SHISA9: variants seen among roughly 807,000 people sequenced by gnomAD.
The protein encoded by SHISA9 is protein shisa-9.
In SHISA9, 13 loss-of-function variants were observed where a neutral mutation model predicts 38.0. That is an observed-to-expected ratio of 0.34 (90% CI 0.22 to 0.54). The LOEUF (loss-of-function observed/expected upper bound fraction) is 0.54, where lower values mean the gene tolerates loss of function less well. SHISA9 is among the 20% of genes least tolerant of loss of function. SHISA9 has a pLI of 0.91. For synonymous variants in SHISA9, 275 were observed against 242.0 expected (o/e 1.14, Z -1.27); for missense variants, 538 against 575.8 (o/e 0.93, Z 0.67).
rs376984464 is a variant in SHISA9 at position 12,969,160 on chromosome 16, AG to A, written c.691+52346del. Among the ~76,000 whole-genome samples the A allele has an allele frequency of 2.4e-3, 363 of 150,794 alleles. 2 individuals are homozygous for A. The highest frequency in any genetic ancestry group is 4.0e-3 in the Non-Finnish European group (270 of 67,620). On this transcript the variant is annotated intron_variant, in intron 2 of 4. Transcript: ENST00000558583. ...TGACAGAGCAAGACTCCATCTCAAA[AG>A]AAAAAAAAAAAAAGAAAAAAAAACG...
intron 2 of SHISA9, among the ~76,000 whole-genome samples, chr16:13,050,336 A>C (rs1347357232): frequency 2.6e-5 from 4 of 151,772 alleles, no homozygotes; most frequent in African/African-American, 9.7e-5. Flanking sequence ...ATACATTTTA[A>C]ATTTGAGATG....
the SHISA9 span, among the ~76,000 whole-genome samples, chr16:13,469,365 A>AAAAGAAAAAGAAAG: frequency 7.7e-5 from 5 of 64,534 alleles, no homozygotes; most frequent in East Asian, 1.5e-3. Context: ...AAAGAAAAGA[A>AAAAGAAAAAGAAAG]AAAGAAAGAA....
rs1442104305 is a variant in SHISA9, at chr16:13,020,000, CTT to C, written c.691+103186_691+103187del. Among the ~76,000 whole-genome samples the C allele has an allele frequency of 1.5e-4, 20 of 129,980 alleles. 1 individual carries two copies. Among genetic ancestry groups the C allele is most frequent in the African/African-American group, 5.8e-4 (20 of 34,488 alleles). The allele number at this position is 129,980 out of a possible 152,430, so 85.3% of individuals were successfully genotyped here. ...CCTTCCTTCCTTCCTTCCTTCCTTC[CTT>C]CCTTCCTTCCCTCCTTCCTTCCTTC... On this transcript the variant is annotated intron_variant, in intron 2 of 4. Coordinates refer to ENST00000558583, the MANE Select transcript of SHISA9 (RefSeq NM_001145204.3).
the SHISA9 span, among the ~76,000 whole-genome samples, chr16:13,469,905 T>C: frequency 6.6e-6 from 1 of 152,192 alleles, no homozygotes; most frequent in South Asian, 2.1e-4. Context: ...CATTCTCCAA[T>C]AGAAGCTGTA....
chr16:13,117,717 A>G (rs2074044644), intron 2 of SHISA9, among the ~76,000 whole-genome samples: 2 of 152,190 alleles, frequency 1.3e-5, no homozygotes, highest in Admixed American at 6.5e-5. Context: ...CAACAGCCCA[A>G]TTTCATACTT....
At chr16:13,027,013 A>C (rs1257846107) in intron 2 of SHISA9, among the ~76,000 whole-genome samples, 3 of 152,158 alleles carry the variant, frequency 2.0e-5, no homozygotes, top group Admixed American at 6.5e-5. Context: ...CATGGCCTGA[A>C]AGAGACCTGG....
chr16:13,213,120 C>G, intron 3 of SHISA9, 133 bp from the exon 4 acceptor site: 1 of 702,322 alleles, frequency 1.4e-6, no homozygotes, highest in Non-Finnish European at 2.5e-6. Context: ...TCCCTGTTCC[C>G]TGGGTCCCCT....
intron 2 of SHISA9, among the ~76,000 whole-genome samples, chr16:12,990,697 A>G (rs554552278): frequency 6.1e-4 from 93 of 152,294 alleles, no homozygotes; most frequent in Non-Finnish European, 1.3e-3. Flanking sequence ...TCTAGTGAGT[A>G]GAGAGCAGGG....
At chr16:13,259,986 G>GGAT in the SHISA9 span, among the ~76,000 whole-genome samples, 2 of 129,950 alleles carry the variant, frequency 1.5e-5, no homozygotes, top group African/African-American at 5.7e-5. Context: ...CCCAGAAAAT[G>GGAT]GATTTTTCTT....
At chr16:13,053,039 T>C (rs966282629) in intron 2 of SHISA9, among the ~76,000 whole-genome samples, 32 of 148,690 alleles carry the variant, frequency 2.2e-4, no homozygotes, top group African/African-American at 7.5e-4. Context: ...TTTTGGCTCA[T>C]TGCAACCTCC....
chr16:12,979,615 CT>C (rs1039429472), intron 2 of SHISA9, among the ~76,000 whole-genome samples: 4 of 151,936 alleles, frequency 2.6e-5, no homozygotes, highest in Non-Finnish European at 5.9e-5. Context: ...TTTTATGTTG[CT>C]TGCTTTTTAA....
chr16:13,266,692 G>A, the SHISA9 span, among the ~76,000 whole-genome samples: 1 of 152,180 alleles, frequency 6.6e-6, no homozygotes, highest in Admixed American at 6.5e-5. Flanking sequence ...GATAGCTCTG[G>A]GGACCCTGCT....
chr16:12,918,051 CA>C (rs2071281099), intron 2 of SHISA9, among the ~76,000 whole-genome samples: 1 of 151,990 alleles, frequency 6.6e-6, no homozygotes, highest in Non-Finnish European at 1.5e-5. Context: ...AATAGGCCAC[CA>C]AATAGGATGT....
the SHISA9 span, among the ~76,000 whole-genome samples, chr16:13,290,641 G>GGA: frequency 2.6e-5 from 4 of 152,116 alleles, no homozygotes; most frequent in African/African-American, 7.2e-5. Context: ...TACAAGAAGG[G>GGA]GAGATGACAG....
intron 2 of SHISA9, among the ~76,000 whole-genome samples, chr16:12,934,497 G>C (rs1278149234): frequency 6.6e-6 from 1 of 152,166 alleles, no homozygotes; most frequent in African/African-American, 2.4e-5. Context: ...ACCTTTTTAT[G>C]TAACAACTAT....
At chr16:13,040,956 C>A (rs892517276) in intron 2 of SHISA9, among the ~76,000 whole-genome samples, 2 of 152,164 alleles carry the variant, frequency 1.3e-5, no homozygotes, top group Non-Finnish European at 2.9e-5. Context: ...ACCCAAGTGA[C>A]CCCCAACCTG....
At chr16:13,168,829 C>G (rs1216379723) in intron 2 of SHISA9, among the ~76,000 whole-genome samples, 10 of 152,224 alleles carry the variant, frequency 6.6e-5, no homozygotes, top group Non-Finnish European at 1.2e-4. Flanking sequence ...GTCACTTCAC[C>G]TGTCTCAGCT....
At chr16:13,385,954 T>A in the SHISA9 span, among the ~76,000 whole-genome samples, 2 of 152,136 alleles carry the variant, frequency 1.3e-5, no homozygotes, top group African/African-American at 4.8e-5. Context: ...CAAAATTAGA[T>A]GAGTGGTGGC....
intron 2 of SHISA9, among the ~76,000 whole-genome samples, chr16:12,919,532 A>G (rs898623934): frequency 2.0e-5 from 3 of 152,206 alleles, no homozygotes; most frequent in African/African-American, 7.2e-5. Context: ...TTATCTTAAT[A>G]TTAACCTTAG....
Sources: allele counts gnomAD v4.1 joint callset (sites outside exome capture counted in the v4.1 genomes callset), GRCh38; gene constraint gnomAD v4.1.1; transcripts MANE v1.5; gene names NCBI Gene and HGNC (gene_info 2026-07-23, HGNC 2026-07-21).